RNFT1: variants seen among roughly 807,000 people sequenced by gnomAD.
RNFT1 encodes ring finger protein, transmembrane 1.
Under a neutral mutation model 53.2 loss-of-function variants are expected in RNFT1, and 35 were observed. The observed-to-expected ratio is 0.66, with a 90% confidence interval of 0.50 to 0.87. RNFT1 has a LOEUF of 0.87. Among genes scored for constraint, RNFT1 ranks in the 40% least tolerant of loss-of-function variants. RNFT1 has a pLI of 0.00. For synonymous variants in RNFT1, 141 were observed against 172.8 expected (o/e 0.82, Z 1.44); for missense variants, 421 against 515.0 (o/e 0.82, Z 1.77).
chr17:59,954,702 CT>C, intron 7 of RNFT1, among the ~76,000 whole-genome samples: 1 of 152,274 alleles, frequency 6.6e-6, no homozygotes, highest in South Asian at 2.1e-4. Context: ...ATGAAGAAGA[CT>C]TAGGGACCAC....
chr17:59,955,237 T>G (rs918730438), intron 7 of RNFT1, among the ~76,000 whole-genome samples: 1 of 152,182 alleles, frequency 6.6e-6, no homozygotes, highest in Admixed American at 6.5e-5. Context: ...TAATAAAGAT[T>G]TCAGAAATAA....
chr17:59,957,180 A>G (rs1288343344), intron 6 of RNFT1, 44 bp downstream of exon 6: 1 of 1,575,234 alleles, frequency 6.3e-7, no homozygotes, highest in South Asian at 1.1e-5. Flanking sequence ...ATCAGTAATC[A>G]TTAATGTGAA....
intron 8 of RNFT1, among the ~76,000 whole-genome samples, chr17:59,953,486 C>A (rs2045234961): frequency 6.6e-6 from 1 of 152,232 alleles, no homozygotes; most frequent in Admixed American, 6.5e-5. Flanking sequence ...CAGGCGTGAG[C>A]CACTGTGTCC....
intron 5 of RNFT1, among the ~76,000 whole-genome samples, chr17:59,957,989 G>A (rs1385661809): frequency 3.3e-5 from 5 of 152,280 alleles, no homozygotes; most frequent in Middle Eastern, 3.4e-3. Context: ...ATTGTACATA[G>A]TCAACTGTCA....
intron 1 of RNFT1, 39 bp downstream of exon 1, chr17:59,964,569 T>G (rs1419048136): frequency 8.3e-6 from 13 of 1,560,150 alleles, no homozygotes; most frequent in Non-Finnish European, 1.0e-5. Context: ...CCGCGGCCCC[T>G]CGCCGCCTCC....
At chr17:59,958,584 T>A (rs1268986590) in intron 4 of RNFT1, 140 bp from the exon 5 acceptor site, 1 of 744,780 alleles carries the variant, frequency 1.3e-6, no homozygotes, top group South Asian at 1.6e-5. Context: ...TTCACAATAA[T>A]GGAATGGAGG....
intron 7 of RNFT1, among the ~76,000 whole-genome samples, chr17:59,955,455 G>A (rs2045248059): frequency 6.6e-6 from 1 of 152,304 alleles, no homozygotes; most frequent in East Asian, 1.9e-4. Flanking sequence ...TATCCTCTCT[G>A]TAGTTTGTCT....
chr17:59,963,299 A>G lies in RNFT1; in HGVS notation c.57-15T>C. 11 of 1,591,968 alleles carry G rather than the reference A, an allele frequency of 6.9e-6. No homozygotes were observed. Among genetic ancestry groups the G allele is most frequent in the African/African-American group, 1.3e-5 (1 of 74,480 alleles). ...GCCTCTGTCTCCTAAAAAATCAAAT[A>G]AAAGATATTCTAAGTAAACAGGCAG... On this transcript the variant is annotated splice_polypyrimidine_tract_variant and intron_variant, in intron 1 of 8. Coordinates refer to ENST00000305783, the MANE Select transcript of RNFT1 (RefSeq NM_016125.4).
intron 4 of RNFT1, chr17:59,959,802 C>T: frequency 5.3e-6 from 1 of 187,368 alleles, no homozygotes. Context: ...CCCAGCTACT[C>T]AGGAGGCTTA....
In RNFT1 at chr17:59,962,861, A is replaced by G. The variant is rs2045304773; in HGVS notation, c.480T>C (p.Ile160=). 3 of 1,613,044 alleles carry G rather than the reference A, an allele frequency of 1.9e-6. No homozygotes were observed. Among genetic ancestry groups the G allele is most frequent in the Non-Finnish European group, 2.5e-6 (3 of 1,179,002 alleles). ...GCTGCATAACAAGTTTGACGCTCAGAATCAAAATATATGGAAGACTTTTTT... is the reference window on the plus strand; with the variant it reads ...GCTGCATAACAAGTTTGACGCTCAGGATCAAAATATATGGAAGACTTTTTT... The part of the protein sequence containing the change: ...WLQKSLPYIL[I]LSVKLVMQHI... The change falls in exon 2 of 9, where the codon ATT becomes ATC. Residue 160 remains isoleucine (I), a synonymous_variant. Coordinates refer to ENST00000305783, the MANE Select transcript of RNFT1 (RefSeq NM_016125.4).
rs111339435 is a variant in RNFT1, at chr17:59,961,498, A to C, written c.591+1042T>G. Among the ~76,000 whole-genome samples the C allele has an allele frequency of 8.9e-3, 1,358 of 152,330 alleles. 22 individuals carry two copies. Among genetic ancestry groups the C allele is most frequent in the African/African-American group, 0.031 (1,289 of 41,566 alleles). On this transcript the variant is annotated intron_variant, in intron 3 of 8. Coordinates refer to ENST00000305783, the MANE Select transcript of RNFT1 (RefSeq NM_016125.4). The stretch of plus-strand genomic sequence containing the variant: ...AAGTTGCCTTAAGGTGAAATTTTAG[A>C]AACTCATCCTCTTTTTCCCAATGAT...
rs201329824 is a variant in RNFT1, at chr17:59,957,354, A to G, written c.875T>C (p.Leu292Ser). ...AACAAAAGTTCGGTAGTATTGACAC[A>G]ATTCTTCTAAAAGCATATACCAGTA... ...KGYWYMLLEE[L>S]CQYYRTFVPI... The change falls in exon 6 of 9, where the codon TTG (leucine) becomes TCG (serine). Residue 292 changes from leucine (L) to serine (S), a missense_variant. Physicochemically the swap from Leu to Ser is moderately radical, Grantham distance 145. Coordinates refer to ENST00000305783, the MANE Select transcript of RNFT1 (RefSeq NM_016125.4). 1.5e-5 allele frequency: 25 copies of G among 1,613,526 alleles called. No homozygotes were observed. In the African/African-American group the frequency reaches 2.9e-4, roughly 19 times the overall value.
At chr17:59,958,502 T>C in intron 4 of RNFT1, 58 bp from the exon 5 acceptor site, 3 of 1,293,376 alleles carry the variant, frequency 2.3e-6, no homozygotes, top group South Asian at 1.3e-5. Flanking sequence ...AAAGTATTAA[T>C]AAAGGGTTTT....
In RNFT1 at chr17:59,960,389, A is replaced by T. The variant is rs149674591; in HGVS notation, c.592-221T>A. Among the ~76,000 whole-genome samples the T allele has an allele frequency of 4.1e-3, 581 of 142,708 alleles. 6 individuals are homozygous for T. The highest frequency in any genetic ancestry group is 0.014 in the African/African-American group (528 of 38,410). The allele number at this position is 142,708 out of a possible 152,430, so 93.6% of individuals were successfully genotyped here. On this transcript the variant is annotated intron_variant, in intron 3 of 8. Transcript: ENST00000305783. ...AAATGTTTAAAATACAAGTTTCTTC[A>T]CTGTATGAAAAACATTACCTATGTT...
chr17:59,958,591 G>C, intron 4 of RNFT1, 147 bp from the exon 5 acceptor site: 2 of 738,694 alleles, frequency 2.7e-6, no homozygotes, highest in Non-Finnish European at 2.3e-6. Context: ...TAATGGAATG[G>C]AGGATCATTT....
At chr17:59,960,485 A>AG (rs2045283160) in intron 3 of RNFT1, among the ~76,000 whole-genome samples, 1 of 150,306 alleles carries the variant, frequency 6.7e-6, no homozygotes, top group Non-Finnish European at 1.5e-5. Flanking sequence ...AAAAAAAAAA[A>AG]AAGAAGCCAG....
chr17:59,954,235 C>T, intron 7 of RNFT1, 89 bp from the exon 8 acceptor site: 1 of 897,096 alleles, frequency 1.1e-6, no homozygotes, highest in East Asian at 2.7e-5. Context: ...TCTCAAATCT[C>T]CCTGGAACCA....
At position 59,952,682 on chromosome 17, in the gene RNFT1, C is replaced by G. The variant is rs1267610973; in HGVS notation, c.*295G>C. On this transcript the variant is annotated 3_prime_UTR_variant, in exon 9 of 9. Transcript: ENST00000305783. ...TCTCTAAAACCACTAGTTCTAATTTCAAATTGCTGTTTTGGTAACATAAAG... is the reference window on the plus strand; with the variant it reads ...TCTCTAAAACCACTAGTTCTAATTTGAAATTGCTGTTTTGGTAACATAAAG... The G allele has an allele frequency of 5.0e-6, 1 of 199,920 alleles. No homozygotes were observed. The highest frequency in any genetic ancestry group is 5.9e-5 in the Admixed American group (1 of 16,990). The allele number at this position is 199,920 out of a possible 1,614,324, so 12.4% of individuals were successfully genotyped here.
intron 3 of RNFT1, among the ~76,000 whole-genome samples, chr17:59,961,131 G>A (rs534308299): frequency 6.6e-6 from 1 of 151,682 alleles, no homozygotes; most frequent in African/African-American, 2.4e-5. Flanking sequence ...CAACCACCTG[G>A]GGTCAGGCAA....
Sources: allele counts gnomAD v4.1 joint callset (sites outside exome capture counted in the v4.1 genomes callset), GRCh38; gene constraint gnomAD v4.1.1; transcripts MANE v1.5; gene names NCBI Gene and HGNC (gene_info 2026-07-23, HGNC 2026-07-21).